The following IBTK variants were observed in gnomAD, a reference collection of about 807,000 sequenced individuals.
IBTK encodes inhibitor of Bruton tyrosine kinase.
In IBTK, 83 loss-of-function variants were observed where a neutral mutation model predicts 154.9. The observed-to-expected ratio is 0.54, with a 90% CI of 0.45 to 0.64. The LOEUF (loss-of-function observed/expected upper bound fraction) is 0.64, where lower values mean the gene tolerates loss of function less well. IBTK is among the 30% of genes least tolerant of loss of function. IBTK has a pLI of 0.00. For missense variants in IBTK, 1,332 were observed against 1,584.6 expected (o/e 0.84, Z 2.71); for synonymous variants, 515 against 536.1 (o/e 0.96, Z 0.54).
chr6:82,196,240 TA>T, intron 22 of IBTK, 57 bp downstream of exon 22: 2 of 1,355,360 alleles, frequency 1.5e-6, no homozygotes, highest in Non-Finnish European at 2.0e-6. Flanking sequence ...ATATTAAAGA[TA>T]AACCATCTAT....
intron 16 of IBTK, 70 bp downstream of exon 16, chr6:82,210,744 G>T: frequency 1.7e-6 from 1 of 593,884 alleles, no homozygotes; most frequent in East Asian, 3.2e-5. Context: ...TAGAAATTAA[G>T]ATTCACGTTG....
In IBTK at chr6:82,172,408, C is replaced by A. The variant is rs777960092; in HGVS notation, c.3902G>T (p.Ser1301Ile). ...AATCAGAGCCAACGGTTTTTCTCGA[C>A]TTCTAATAAGAGCTGCTTCTTGTTG... is the stretch of plus-strand genomic sequence containing the variant. ...ELQQEAALIR[S>I]REKPLALIQI... The change falls in exon 28 of 29, where the codon AGT becomes ATT. Residue 1301 changes from serine (S) to isoleucine (I), a missense_variant. Transcript: ENST00000306270. 3.1e-6 allele frequency: 5 copies of A among 1,613,828 alleles called. No homozygotes were observed. The South Asian group carries it at 5.5e-5, about 18-fold the overall frequency.
chr6:82,214,082 A>C, intron 12 of IBTK, 145 bp downstream of exon 12: 1 of 675,028 alleles, frequency 1.5e-6, no homozygotes. Flanking sequence ...CAGCCTCCTG[A>C]GTAGCTGGGA....
At chr6:82,237,526 C>T (rs1040191781) in intron 2 of IBTK, among the ~76,000 whole-genome samples, 5 of 151,298 alleles carry the variant, frequency 3.3e-5, no homozygotes, top group Admixed American at 6.6e-5. Flanking sequence ...AATTTGTCCA[C>T]GATGATTCAC....
Position 82,235,155 on chromosome 6 carries a change from G to A in IBTK, c.322-900C>T, listed in dbSNP as rs764629251. On this transcript the variant is annotated intron_variant, in intron 2 of 28. Coordinates refer to ENST00000306270, the MANE Select transcript of IBTK (RefSeq NM_015525.4). ...ATTACAGGTGTGAGCCACCGTTCCCGGCCATGTGAACATTTTTAACAATAA... is the reference window on the plus strand; with the variant it reads ...ATTACAGGTGTGAGCCACCGTTCCCAGCCATGTGAACATTTTTAACAATAA... Among the ~76,000 whole-genome samples, 82 of 152,094 alleles carry A rather than the reference G, an allele frequency of 5.4e-4. No homozygotes were observed. In the Middle Eastern group the frequency reaches 0.01, roughly 19 times the overall value.
rs369082947 is a variant in IBTK, at chr6:82,240,029, C to A, written c.321+137G>T. The stretch of plus-strand genomic sequence containing the variant: ...TATATGGAGTTTTAATTCCAAAGAT[C>A]AGTTACAGTAGTAAGAGATAGCAAA... On this transcript the variant is annotated intron_variant, in intron 2 of 28. Coordinates refer to ENST00000306270, the MANE Select transcript of IBTK (RefSeq NM_015525.4). 1.9e-5 allele frequency: 12 copies of A among 644,522 alleles called. No individual in the cohort carries two copies. In the East Asian group the frequency reaches 3.1e-4, roughly 16 times the overall value. The allele number at this position is 644,522 out of a possible 1,614,324, so 39.9% of individuals were successfully genotyped here. A position where few individuals can be genotyped will look rare whatever the true frequency, so the allele number is the denominator to read the frequency against.
At chr6:82,173,329 T>C (rs1396754166) in intron 27 of IBTK, 38 bp downstream of exon 27, 1 of 1,460,602 alleles carries the variant, frequency 6.8e-7, no homozygotes, top group South Asian at 1.2e-5. Flanking sequence ...AAGCAGCAAC[T>C]TAGCTTTGGA....
Position 82,217,225 on chromosome 6 carries a change from T to A in IBTK, c.1426+735A>T, listed in dbSNP as rs114404136. Among the ~76,000 whole-genome samples, 398 of 152,270 alleles carry A rather than the reference T, an allele frequency of 2.6e-3. 1 individual carries two copies. The highest frequency in any genetic ancestry group is 9.2e-3 in the African/African-American group (382 of 41,576). ...ATGAATTCAGTTTCAGATCACTAAA[T>A]ATGACTAAGACACACTTCTAAAGAC... is the stretch of plus-strand genomic sequence containing the variant. On this transcript the variant is annotated intron_variant, in intron 10 of 28. Transcript: ENST00000306270.
chr6:82,232,698 G>A (rs1019750089), intron 3 of IBTK, among the ~76,000 whole-genome samples: 24 of 152,160 alleles, frequency 1.6e-4, no homozygotes, highest in Admixed American at 1.4e-3. Flanking sequence ...GGAGGGATAA[G>A]TGAAACTGAG....
chr6:82,220,581 T>C lies in IBTK; in HGVS notation c.1248+9A>G, dbSNP rs1015907512. On this transcript the variant is annotated intron_variant, in intron 9 of 28. Transcript: ENST00000306270. ...GTAAGATTACACTTTTACATAAACA[T>C]GTACTTACCCTTCCAGCTCCATCCA... The C allele has an allele frequency of 2.5e-6, 4 of 1,596,758 alleles. No individual in the cohort carries two copies. Among genetic ancestry groups the C allele is most frequent in the Admixed American group, 1.8e-5 (1 of 55,414 alleles).
intron 13 of IBTK, among the ~76,000 whole-genome samples, chr6:82,212,015 A>C (rs1368491392): frequency 2.6e-5 from 4 of 151,980 alleles, no homozygotes; most frequent in African/African-American, 9.7e-5. Context: ...TTTTCTTTGA[A>C]ACGGGGTCTC....
chr6:82,241,807 G>T (rs1292493461), intron 1 of IBTK, among the ~76,000 whole-genome samples: 1 of 152,216 alleles, frequency 6.6e-6, no homozygotes, highest in Non-Finnish European at 1.5e-5. Context: ...TTTGGGAGCA[G>T]AGAAAATTGG....
Position 82,223,957 on chromosome 6 carries a change from A to G in IBTK, c.943+111T>C, listed in dbSNP as rs1431949035. The G allele has an allele frequency of 4.2e-6, 3 of 710,588 alleles. No homozygotes were observed. In the East Asian group the frequency reaches 8.3e-5, roughly 20 times the overall value. The allele number at this position is 710,588 out of a possible 1,614,324, so 44.0% of individuals were successfully genotyped here. ...GAGTGAGACTTTGTCTCAAACAAACAAACAAAAAATCACTCATAATCTCAT... is the reference window on the plus strand; with the variant it reads ...GAGTGAGACTTTGTCTCAAACAAACGAACAAAAAATCACTCATAATCTCAT... On this transcript the variant is annotated intron_variant, in intron 7 of 28. Coordinates refer to ENST00000306270, the MANE Select transcript of IBTK (RefSeq NM_015525.4).
At position 82,227,251 on chromosome 6, in the gene IBTK, A is replaced by G. The variant is rs1770330912; in HGVS notation, c.595T>C (p.Tyr199His). 6.2e-7 allele frequency: 1 copy of G among 1,612,020 alleles called. No individual in the cohort carries two copies. The highest frequency in any genetic ancestry group is 8.5e-7 in the Non-Finnish European group (1 of 1,179,070). ...CCTCCAGGACCATGACCACAGGTAT[A>G]AACCTGCCCTTTCTGAGACAGAAAC... Reference protein sequence around the residue: ...SVFLSQKGQVYTCGHGPGGRL... With the variant: ...SVFLSQKGQVHTCGHGPGGRL... The change falls in exon 5 of 29, where the codon TAT becomes CAT. Residue 199 changes from tyrosine (Y) to histidine (H), a missense_variant. Physicochemically the swap from Tyr to His is moderately conservative, Grantham distance 83 (BLOSUM62 2). This residue lies in a region of IBTK where 114 missense variants were observed against 213.7 expected (regional missense o/e 0.53). Transcript: ENST00000306270.
intron 21 of IBTK, among the ~76,000 whole-genome samples, chr6:82,198,097 G>GT (rs565564310): frequency 3.0e-4 from 45 of 152,208 alleles, no homozygotes; most frequent in African/African-American, 1.1e-3. Flanking sequence ...CTTTCCTTAG[G>GT]TTTAAAGTAA....
At chr6:82,232,065 T>TGC (rs1562104637) in intron 3 of IBTK, among the ~76,000 whole-genome samples, 2 of 144,392 alleles carry the variant, frequency 1.4e-5, no homozygotes, top group Admixed American at 1.4e-4. Flanking sequence ...TGTTGTTGTT[T>TGC]TTTTTTAATA....
chr6:82,227,873 AAG>A (rs1770357329), intron 4 of IBTK, among the ~76,000 whole-genome samples: 1 of 151,772 alleles, frequency 6.6e-6, no homozygotes, highest in South Asian at 2.1e-4. Flanking sequence ...ATTTATTTTC[AAG>A]TTTTTCTCTC....
At chr6:82,182,173 C>T in intron 25 of IBTK, 145 bp from the exon 26 acceptor site, 2 of 714,992 alleles carry the variant, frequency 2.8e-6, no homozygotes, top group Non-Finnish European at 4.5e-6. Context: ...TTCTTGCTGC[C>T]AATTGTGAAA....
intron 16 of IBTK, 161 bp from the exon 17 acceptor site, chr6:82,205,119 G>A: frequency 2.4e-6 from 1 of 424,048 alleles, no homozygotes; most frequent in Non-Finnish European, 4.2e-6. Context: ...TTTTCTAAAT[G>A]TTGAAAGGGC....
Sources: gnomAD v4.1 joint callset for allele counts (sites outside exome capture counted in the v4.1 genomes callset) on GRCh38, gnomAD v4.1.1 for gene constraint, gnomAD v4.1.1 regional missense constraint, MANE v1.5 for transcripts, NCBI Gene and HGNC (gene_info 2026-07-23, HGNC 2026-07-21) for gene names.